The following ABTB3 variants were observed in gnomAD, a reference collection of about 807,000 sequenced individuals.
The protein encoded by ABTB3 is ankyrin repeat and BTB domain containing 3.
At chr12:107,534,348 G>A in the ABTB3 span, among the ~76,000 whole-genome samples, 2 of 151,914 alleles carry the variant, frequency 1.3e-5, no homozygotes, top group Non-Finnish European at 2.9e-5. Flanking sequence ...AAAATAAGTA[G>A]AAAGATTTTT....
chr12:107,632,986 C>T, the ABTB3 span, among the ~76,000 whole-genome samples: 2 of 152,238 alleles, frequency 1.3e-5, no homozygotes, highest in Non-Finnish European at 2.9e-5. Flanking sequence ...GTTCTCCCCC[C>T]TCCCGTCTGA....
the ABTB3 span, among the ~76,000 whole-genome samples, chr12:107,333,799 T>C: frequency 1.3e-5 from 2 of 152,082 alleles, no homozygotes; most frequent in Admixed American, 6.5e-5. Flanking sequence ...CTAAACACAC[T>C]GAATAAGTAA....
At chr12:107,548,882 TACC>T in the ABTB3 span, among the ~76,000 whole-genome samples, 1 of 152,200 alleles carries the variant, frequency 6.6e-6, no homozygotes, top group Non-Finnish European at 1.5e-5. Flanking sequence ...AGTAATTTAT[TACC>T]ACAAGATGAA....
chr12:107,447,744 A>T, the ABTB3 span, among the ~76,000 whole-genome samples: 28 of 152,328 alleles, frequency 1.8e-4, no homozygotes, highest in African/African-American at 6.7e-4. Context: ...CATGTGAATT[A>T]TGGAGCCCAC....
chr12:107,378,479 T>C, the ABTB3 span, among the ~76,000 whole-genome samples: 56 of 152,328 alleles, frequency 3.7e-4, 1 homozygote, highest in African/African-American at 1.3e-3. Flanking sequence ...TACATGAGGA[T>C]CTGAGGCTCT....
At chr12:107,412,368 T>C in the ABTB3 span, among the ~76,000 whole-genome samples, 2 of 152,128 alleles carry the variant, frequency 1.3e-5, no homozygotes, top group Non-Finnish European at 2.9e-5. Flanking sequence ...ACGCTGACTG[T>C]CGGATATTAT....
At chr12:107,451,502 G>T in the ABTB3 span, among the ~76,000 whole-genome samples, 1 of 152,100 alleles carries the variant, frequency 6.6e-6, no homozygotes, top group African/African-American at 2.4e-5. Context: ...GTGCACAAGC[G>T]CCAGAACACG....
chr12:107,387,224 C>T, the ABTB3 span, among the ~76,000 whole-genome samples: 20 of 152,072 alleles, frequency 1.3e-4, no homozygotes, highest in African/African-American at 4.3e-4. Context: ...GTGATCCACC[C>T]GCCTCAGCCT....
the ABTB3 span, among the ~76,000 whole-genome samples, chr12:107,387,811 T>G: frequency 1.3e-5 from 2 of 152,122 alleles, no homozygotes; most frequent in Non-Finnish European, 2.9e-5. Context: ...CTTGTGCAAT[T>G]AATTCAAATT....
chr12:107,523,898 C>T, the ABTB3 span, among the ~76,000 whole-genome samples: 2 of 152,292 alleles, frequency 1.3e-5, no homozygotes, highest in East Asian at 3.9e-4. Context: ...AAGAGGCCCT[C>T]ACACCATGTG....
chr12:107,581,107 G>T, the ABTB3 span: 1 of 1,546,086 alleles, frequency 6.5e-7, no homozygotes, highest in Non-Finnish European at 8.7e-7. Context: ...CCCTGCCTCC[G>T]GGGAGGCCCT....
the ABTB3 span, among the ~76,000 whole-genome samples, chr12:107,436,953 C>T: frequency 1.3e-5 from 2 of 151,872 alleles, no homozygotes; most frequent in South Asian, 4.2e-4. Context: ...CTTCTGCATC[C>T]CCCCCCGCCG....
chr12:107,555,346 A>T, the ABTB3 span, among the ~76,000 whole-genome samples: 2 of 152,208 alleles, frequency 1.3e-5, no homozygotes, highest in South Asian at 2.1e-4. Context: ...GTTGCCAAGG[A>T]GTTCTCAGCC....
At chr12:107,454,396 A>G in the ABTB3 span, among the ~76,000 whole-genome samples, 2 of 152,240 alleles carry the variant, frequency 1.3e-5, no homozygotes, top group African/African-American at 4.8e-5. Flanking sequence ...ATGGCCATGA[A>G]GCTGGTTTTG....
At chr12:107,563,366 G>A in the ABTB3 span, among the ~76,000 whole-genome samples, 1 of 152,182 alleles carries the variant, frequency 6.6e-6, no homozygotes, top group Admixed American at 6.5e-5. Context: ...TACCAGCACT[G>A]TTCGAAGTTC....
At chr12:107,387,869 T>A in the ABTB3 span, among the ~76,000 whole-genome samples, 6 of 152,094 alleles carry the variant, frequency 3.9e-5, no homozygotes. Flanking sequence ...ATGAGATTGG[T>A]CCTTATTCCA....
At chr12:107,408,403 T>C in the ABTB3 span, among the ~76,000 whole-genome samples, 23 of 152,162 alleles carry the variant, frequency 1.5e-4, no homozygotes, top group African/African-American at 5.6e-4. Context: ...CAGGAAATGG[T>C]TTAAACACCC....
the ABTB3 span, among the ~76,000 whole-genome samples, chr12:107,325,774 C>A: frequency 1.3e-5 from 2 of 152,182 alleles, no homozygotes; most frequent in Non-Finnish European, 2.9e-5. Context: ...GAGTCAGGCA[C>A]ACCTGTAAGC....
At chr12:107,373,676 T>C in the ABTB3 span, among the ~76,000 whole-genome samples, 6 of 152,088 alleles carry the variant, frequency 3.9e-5, no homozygotes, top group African/African-American at 1.2e-4. Context: ...ATAAAGCAAC[T>C]AAAATTGAGT....
Sources: allele counts gnomAD v4.1 joint callset (sites outside exome capture counted in the v4.1 genomes callset), GRCh38; gene constraint gnomAD v4.1.1; transcripts MANE v1.5; gene names NCBI Gene and HGNC (gene_info 2026-07-23, HGNC 2026-07-21).